The following CAD variants were observed in gnomAD, a reference collection of about 807,000 sequenced individuals.
CAD encodes the protein multifunctional protein CAD.
A neutral mutation model predicts 237.2 loss-of-function variants in CAD; 81 were observed. That is an observed-to-expected ratio of 0.34 (90% CI 0.29 to 0.41). CAD has a LOEUF of 0.41. CAD is among the 10% of genes least tolerant of loss of function. The pLI is 1.00. For synonymous variants in CAD, 1,196 were observed against 1,162.8 expected, an observed-to-expected ratio of 1.03 and a Z score of -0.58; for missense variants, 2,181 against 2,951.7, an observed-to-expected ratio of 0.74 and a Z score of 6.05.
rs1282975002 is a variant in CAD at position 27,241,470 on chromosome 2, T to G, written c.5883+74T>G. ...GCCGCATCAGCGCAGGGCCGCGCAG[T>G]GGTCAGAGTGGGTCTTCCTCCCCCT... On this transcript the variant is annotated intron_variant, in intron 38 of 43. Transcript: ENST00000264705. This position sits in a 1 kb window ranked among gnomAD's most constrained non-coding sequence, Gnocchi z 4.6. 3.6e-6 allele frequency: 5 copies of G among 1,405,106 alleles called. No individual in the cohort carries two copies. The highest frequency in any genetic ancestry group is 5.0e-6 in the Non-Finnish European group (5 of 992,848). The allele number at this position is 1,405,106 out of a possible 1,614,324, so 87.0% of individuals were successfully genotyped here.
chr2:27,231,916 A>G, intron 16 of CAD, 64 bp from the exon 17 acceptor site: 2 of 1,597,342 alleles, frequency 1.3e-6, no homozygotes, highest in South Asian at 1.1e-5. Context: ...AAGAGCAGCT[A>G]CTTACGCTCA....
Position 27,239,462 on chromosome 2 carries a change from C to A in CAD, c.5385C>A (p.Ile1795=), listed in dbSNP as rs115849996. The part of the protein sequence containing the change: ...RVVLRGEVAY[I]DGQVLVPPGY... ...TCCTGCGAGGGGAGGTTGCCTATAT[C>A]GATGGGCAGGTACGCAAGTAGCCCC... Residue 1795 remains isoleucine, a synonymous_variant, in exon 33 of 44, where the codon ATC becomes ATA. Transcript: ENST00000264705. The surrounding 1 kb of genome is among the most constrained non-coding windows in gnomAD (Gnocchi z 4.0). 5 of 1,613,602 alleles carry A rather than the reference C, an allele frequency of 3.1e-6. No homozygotes were observed. The African/African-American group carries it at 5.3e-5, about 17-fold the overall frequency.
rs1676323354 is a variant in CAD at position 27,241,640 on chromosome 2, C to A, written c.5883+244C>A. Among the ~76,000 whole-genome samples the A allele has an allele frequency of 6.6e-6, 1 of 152,208 alleles. No homozygotes were observed. The highest frequency in any genetic ancestry group is 2.4e-5 in the African/African-American group (1 of 41,458). ...CACTAGTGGGGTCTTCTGGTCTGGG[C>A]TGCTGCAATCATGGGAGAGAGCTAG... On this transcript the variant is annotated intron_variant, in intron 38 of 43. Coordinates refer to ENST00000264705, the MANE Select transcript of CAD (RefSeq NM_004341.5). The surrounding 1 kb of genome is among the most constrained non-coding windows in gnomAD (Gnocchi z 4.6).
chr2:27,218,258 C>T (rs911738822), intron 2 of CAD, among the ~76,000 whole-genome samples: 2 of 152,148 alleles, frequency 1.3e-5, no homozygotes, highest in South Asian at 2.1e-4. Flanking sequence ...ATCAAGGCTC[C>T]AGGTATAGCT....
rs1675950548 is a variant in CAD at position 27,235,316 on chromosome 2, G to C, written c.3858G>C (p.Gly1286=). The C allele has an allele frequency of 8.1e-6, 13 of 1,614,124 alleles. No individual in the cohort carries two copies. The highest frequency in any genetic ancestry group is 1.7e-5 in the Admixed American group (1 of 60,018). ...VVLGVEMTST[G]EVAGFGESRC... ...TGGGTGTGGAAATGACCAGTACTGGGGAGGTGGCCGGCTTTGGGGAGAGCC... is the reference window on the plus strand; with the variant it reads ...TGGGTGTGGAAATGACCAGTACTGGCGAGGTGGCCGGCTTTGGGGAGAGCC... The change falls in exon 24 of 44, where the codon GGG becomes GGC. Residue 1286 remains glycine, a synonymous_variant. Coordinates refer to ENST00000264705, the MANE Select transcript of CAD (RefSeq NM_004341.5). The surrounding 1 kb of genome is among the most constrained non-coding windows in gnomAD (Gnocchi z 5.2).
At chr2:27,220,328 A>G (rs4665958) in intron 2 of CAD, among the ~76,000 whole-genome samples, 65,862 of 152,022 alleles carry the variant, frequency 0.43, 17,793 homozygotes, top group African/African-American at 0.76. Flanking sequence ...TCACAGAGAA[A>G]GGATTTGTGA....
At position 27,238,170 on chromosome 2, in the gene CAD, G is replaced by A. The variant is rs1421703423; in HGVS notation, c.4843G>A (p.Val1615Met). 8.1e-6 allele frequency: 13 copies of A among 1,613,982 alleles called. No individual in the cohort carries two copies. The highest frequency in any genetic ancestry group is 4.5e-5 in the East Asian group (2 of 44,900). ...TCAGCGCTCAGTGCACATATGTCAC[G>A]TGGCACGGAAGGAGGAGGTAAGAGT... ...LTQRSVHICHVARKEEILLIK... is the reference protein window; with the variant it reads ...LTQRSVHICHMARKEEILLIK... The change falls in exon 30 of 44, where the codon GTG (valine) becomes ATG (methionine). Residue 1615 changes from valine to methionine, a missense_variant. Physicochemically the swap from Val to Met is conservative, Grantham distance 21. Coordinates refer to ENST00000264705, the MANE Select transcript of CAD (RefSeq NM_004341.5).
rs1165373707 is a variant in CAD at position 27,240,712 on chromosome 2, C to A, written c.5594-199C>A. 16 of 1,347,796 alleles carry A rather than the reference C, an allele frequency of 1.2e-5. No individual in the cohort carries two copies. Among genetic ancestry groups the A allele is most frequent in the Non-Finnish European group, 1.5e-5 (15 of 972,260 alleles). 83.5% of individuals were successfully genotyped at this position (1,347,796 alleles called of 1,614,324 possible). On this transcript the variant is annotated intron_variant, in intron 35 of 43. Coordinates refer to ENST00000264705, the MANE Select transcript of CAD (RefSeq NM_004341.5). This position sits in a 1 kb window ranked among gnomAD's most constrained non-coding sequence, Gnocchi z 4.6. ...AGAGCCCCGGGAGGGCACCACTGCTCCCATACAACACAGCCCCATGGGAAG... is the reference window on the plus strand; with the variant it reads ...AGAGCCCCGGGAGGGCACCACTGCTACCATACAACACAGCCCCATGGGAAG...
Position 27,241,463 on chromosome 2 carries a change from C to T in CAD, c.5883+67C>T, listed in dbSNP as rs1398169306. 1.5e-5 allele frequency: 22 copies of T among 1,484,116 alleles called. No homozygotes were observed. Among genetic ancestry groups the T allele is most frequent in the South Asian group, 6.8e-5 (6 of 88,236 alleles). 91.9% of individuals were successfully genotyped at this position (1,484,116 alleles called of 1,614,324 possible). On this transcript the variant is annotated intron_variant, in intron 38 of 43. Transcript: ENST00000264705. The surrounding 1 kb of genome is among the most constrained non-coding windows in gnomAD (Gnocchi z 4.6). Reference sequence around the variant, plus strand: ...CCCTTGGGCCGCATCAGCGCAGGGCCGCGCAGTGGTCAGAGTGGGTCTTCC... The same window carrying T: ...CCCTTGGGCCGCATCAGCGCAGGGCTGCGCAGTGGTCAGAGTGGGTCTTCC...
chr2:27,224,145 G>A, intron 8 of CAD, 116 bp downstream of exon 8: 1 of 926,484 alleles, frequency 1.1e-6, no homozygotes, highest in Admixed American at 2.1e-5. Context: ...AAGGGTATTG[G>A]GGATGGGTGG....
At chr2:27,223,448 A>G (rs1003082836) in intron 6 of CAD, 115 bp from the exon 7 acceptor site, 11 of 984,342 alleles carry the variant, frequency 1.1e-5, no homozygotes, top group African/African-American at 3.3e-5. Flanking sequence ...AAAAAAAAAC[A>G]AAAAGGAAAC....
intron 2 of CAD, 60 bp from the exon 3 acceptor site, chr2:27,221,158 G>A: frequency 1.4e-6 from 2 of 1,446,102 alleles, no homozygotes; most frequent in Non-Finnish European, 9.2e-7. Flanking sequence ...ACACAATCGG[G>A]AAAATGCTGC....
chr2:27,225,785 T>C lies in CAD; in HGVS notation c.1701T>C (p.Phe567=). The C allele has an allele frequency of 6.2e-7, 1 of 1,614,222 alleles. No homozygotes were observed. Among genetic ancestry groups the C allele is most frequent in the Non-Finnish European group, 8.5e-7 (1 of 1,180,032 alleles). ...CCCTGGGTGGCCTGGGCTCTGGCTT[T>C]GCCTCTAACAGGGAGGAGCTCTCTG... The part of the protein sequence containing the change: ...AFALGGLGSG[F]ASNREELSAL... Residue 567 remains phenylalanine, a synonymous_variant, in exon 12 of 44, where the codon TTT becomes TTC. Transcript: ENST00000264705.
At position 27,234,188 on chromosome 2, in the gene CAD, C is replaced by G; in HGVS notation, c.3580C>G (p.Gln1194Glu). The G allele has an allele frequency of 3.7e-6, 6 of 1,614,220 alleles. No homozygotes were observed. Among genetic ancestry groups the G allele is most frequent in the Non-Finnish European group, 5.1e-6 (6 of 1,180,034 alleles). Residue 1194 changes from glutamine (Q) to glutamate (E), a missense_variant, in exon 22 of 44, where the codon CAG becomes GAG. Gln to Glu is a conservative substitution (Grantham distance 29). Transcript: ENST00000264705. ...AIVHAVGQEL[Q>E]VTGPFNLQLI... Reference sequence around the variant, plus strand: ...TGTGCATGCTGTGGGCCAGGAGCTACAGGTCACAGGACCCTTCAATCTGCA... The same window carrying G: ...TGTGCATGCTGTGGGCCAGGAGCTAGAGGTCACAGGACCCTTCAATCTGCA...
In CAD at chr2:27,236,694, C is replaced by T. The variant is rs1676023504; in HGVS notation, c.4315-55C>T. 6.3e-7 allele frequency: 1 copy of T among 1,578,174 alleles called. No individual in the cohort carries two copies. ...TGGTTTATGGGAAAACCACATCTCT[C>T]CCTACAACTCCCAGGATCACCCTTC... On this transcript the variant is annotated intron_variant, in intron 26 of 43. Coordinates refer to ENST00000264705, the MANE Select transcript of CAD (RefSeq NM_004341.5). This position sits in a 1 kb window ranked among gnomAD's most constrained non-coding sequence, Gnocchi z 4.1.
chr2:27,242,019 A>G lies in CAD; in HGVS notation c.5992A>G (p.Thr1998Ala). The change falls in exon 39 of 44, where the codon ACA becomes GCA. Residue 1998 changes from threonine to alanine, a missense_variant. Thr to Ala is a moderately conservative substitution (Grantham distance 58, BLOSUM62 0). Coordinates refer to ENST00000264705, the MANE Select transcript of CAD (RefSeq NM_004341.5). The surrounding 1 kb of genome is among the most constrained non-coding windows in gnomAD (Gnocchi z 6.4). ...GGAVLSFSEA[T>A]SSVQKGESLA... ...TGCTGTGCTCAGCTTCTCGGAAGCC[A>G]CATCGTCCGTCCAGAAGGGCGAATC... 6.2e-6 allele frequency: 10 copies of G among 1,613,444 alleles called. No individual in the cohort carries two copies. The highest frequency in any genetic ancestry group is 8.5e-6 in the Non-Finnish European group (10 of 1,180,028).
intron 15 of CAD, among the ~76,000 whole-genome samples, chr2:27,230,755 A>G (rs933581142): frequency 2.0e-5 from 3 of 152,202 alleles, no homozygotes; most frequent in African/African-American, 7.2e-5. Context: ...ACACTTTTTT[A>G]AAAAGTTTTA....
intron 15 of CAD, 126 bp downstream of exon 15, chr2:27,227,088 G>A: frequency 1.3e-6 from 1 of 783,490 alleles, no homozygotes; most frequent in Non-Finnish European, 2.1e-6. Flanking sequence ...TTCAAACTAA[G>A]ATTATAGTCC....
intron 14 of CAD, 35 bp from the exon 15 acceptor site, chr2:27,226,797 A>G (rs1235438241): frequency 6.2e-7 from 1 of 1,613,014 alleles, no homozygotes; most frequent in Admixed American, 1.7e-5. Flanking sequence ...TGCTTCCTTC[A>G]CTGTCCTTCT....
Sources: allele counts gnomAD v4.1 joint callset (sites outside exome capture counted in the v4.1 genomes callset), GRCh38; gene constraint gnomAD v4.1.1; non-coding constraint Gnocchi (gnomAD v3.1); transcripts MANE v1.5; gene names NCBI Gene and HGNC (gene_info 2026-07-23, HGNC 2026-07-21).